The following NALF1 variants were observed in gnomAD, a reference collection of about 807,000 sequenced individuals.
NALF1 encodes the protein family with sequence similarity 155 member A.
In NALF1, 3 loss-of-function variants were observed where a neutral mutation model predicts 48.4. The observed-to-expected ratio is 0.06, with a 90% CI of 0.03 to 0.16. NALF1 has a LOEUF of 0.16. Ranked by LOEUF, NALF1 falls within the 10% of genes least tolerant of loss-of-function variation. NALF1 has a pLI of 1.00. For synonymous variants in NALF1, 262 were observed against 245.7 expected (o/e 1.07, Z -0.62); for missense variants, 526 against 571.5 (o/e 0.92, Z 0.81).
intron 1 of NALF1, among the ~76,000 whole-genome samples, chr13:107,354,737 T>C (rs1025197293): frequency 8.5e-5 from 13 of 152,212 alleles, no homozygotes; most frequent in Non-Finnish European, 1.8e-4. Flanking sequence ...CTTCTGTTTC[T>C]GTAGTCCCTT....
chr13:107,644,638 C>CATATAT (rs1170442694), intron 1 of NALF1, among the ~76,000 whole-genome samples: 8 of 43,330 alleles, frequency 1.8e-4, no homozygotes, highest in Admixed American at 3.6e-4. Context: ...TACATACATA[C>CATATAT]ATACATACAT....
At chr13:107,458,428 G>A (rs994708836) in intron 1 of NALF1, among the ~76,000 whole-genome samples, 19 of 152,196 alleles carry the variant, frequency 1.2e-4, no homozygotes, top group African/African-American at 4.6e-4. Flanking sequence ...GGCAGGGGCC[G>A]CCTGACATGG....
chr13:107,398,180 C>T (rs1566325330), intron 1 of NALF1, among the ~76,000 whole-genome samples: 1 of 152,256 alleles, frequency 6.6e-6, no homozygotes, highest in African/African-American at 2.4e-5. Flanking sequence ...TAGAATCTTG[C>T]TCCTTGCAAA....
At chr13:107,352,277 C>A (rs1004460626) in intron 1 of NALF1, among the ~76,000 whole-genome samples, 1 of 152,062 alleles carries the variant, frequency 6.6e-6, no homozygotes, top group African/African-American at 2.4e-5. Context: ...GTCTGACCTG[C>A]TGTTCCATTG....
chr13:107,841,068 T>C (rs1880031563), intron 1 of NALF1, among the ~76,000 whole-genome samples: 1 of 152,220 alleles, frequency 6.6e-6, no homozygotes, highest in African/African-American at 2.4e-5. Flanking sequence ...ATCATCCATG[T>C]ATTCACTCAT....
Position 107,307,569 on chromosome 13 carries a change from C to T in NALF1, c.916-96814G>A, listed in dbSNP as rs985577097. Among the ~76,000 whole-genome samples the T allele has an allele frequency of 3.3e-5, 5 of 149,998 alleles. No individual in the cohort carries two copies. In the East Asian group the frequency reaches 5.8e-4, roughly 17 times the overall value. ...CGCGATCTTGGCTCACTGCAACCTCCGCCTCCCGAGTTCAGGCGATTCTCC... is the reference window on the plus strand; with the variant it reads ...CGCGATCTTGGCTCACTGCAACCTCTGCCTCCCGAGTTCAGGCGATTCTCC... On this transcript the variant is annotated intron_variant, in intron 1 of 2. Transcript: ENST00000375915.
intron 1 of NALF1, among the ~76,000 whole-genome samples, chr13:107,497,229 AT>A (rs1353620063): frequency 6.6e-6 from 1 of 152,200 alleles, no homozygotes; most frequent in African/African-American, 2.4e-5. Context: ...GAATATAAAA[AT>A]AGTCTCATTT....
chr13:107,808,240 A>G (rs1175536108), intron 1 of NALF1, among the ~76,000 whole-genome samples: 1 of 152,088 alleles, frequency 6.6e-6, no homozygotes, highest in African/African-American at 2.4e-5. Flanking sequence ...CAGCCTTGTT[A>G]TCAGGCATAC....
intron 1 of NALF1, among the ~76,000 whole-genome samples, chr13:107,414,791 A>C (rs1884056431): frequency 6.7e-6 from 1 of 149,924 alleles, no homozygotes; most frequent in Admixed American, 6.7e-5. Context: ...TTTCTGTAAA[A>C]TTACAGTTGT....
intron 1 of NALF1, among the ~76,000 whole-genome samples, chr13:107,545,626 G>T (rs897479217): frequency 4.6e-5 from 7 of 152,050 alleles, no homozygotes; most frequent in African/African-American, 1.4e-4. Context: ...AGGGTCAAGT[G>T]TCATTTCCAA....
At chr13:107,390,908 T>TAATAATAATA (rs1259487982) in intron 1 of NALF1, among the ~76,000 whole-genome samples, 5 of 149,994 alleles carry the variant, frequency 3.3e-5, no homozygotes, top group Non-Finnish European at 5.9e-5. Flanking sequence ...ATAATAATAA[T>TAATAATAATA]AGAGGCTGTT....
intron 1 of NALF1, among the ~76,000 whole-genome samples, chr13:107,225,619 G>A (rs1393725559): frequency 1.3e-5 from 2 of 151,986 alleles, no homozygotes; most frequent in Non-Finnish European, 2.9e-5. Flanking sequence ...CGAAATGGTG[G>A]GGGATGGGGA....
intron 1 of NALF1, among the ~76,000 whole-genome samples, chr13:107,216,534 C>A (rs1181572594): frequency 6.6e-6 from 1 of 152,216 alleles, no homozygotes; most frequent in Non-Finnish European, 1.5e-5. Context: ...ATGACATCAG[C>A]ACCCCTTGCC....
chr13:107,504,250 CAAA>C (rs769667553), intron 1 of NALF1, among the ~76,000 whole-genome samples: 2,160 of 71,632 alleles, frequency 0.03, 62 homozygotes, highest in African/African-American at 0.095. Flanking sequence ...GGCCCTATCT[CAAA>C]AAAAAAAAAA....
At chr13:107,488,254 T>C (rs913067720) in intron 1 of NALF1, among the ~76,000 whole-genome samples, 5 of 152,108 alleles carry the variant, frequency 3.3e-5, no homozygotes, top group Non-Finnish European at 7.4e-5. Context: ...TGAATGTTTT[T>C]TTCCTGTCTC....
At chr13:107,815,226 G>C (rs1486319653) in intron 1 of NALF1, among the ~76,000 whole-genome samples, 3 of 151,716 alleles carry the variant, frequency 2.0e-5, no homozygotes, top group African/African-American at 7.3e-5. Flanking sequence ...ACAACCCAAA[G>C]AGTGGAAGAA....
intron 1 of NALF1, among the ~76,000 whole-genome samples, chr13:107,861,510 C>T (rs534514023): frequency 1.1e-4 from 16 of 152,290 alleles, no homozygotes; most frequent in South Asian, 2.1e-4. Context: ...CTTGGCCAGG[C>T]GCTGTGGCTC....
At chr13:107,641,346 T>C (rs1880150071) in intron 1 of NALF1, among the ~76,000 whole-genome samples, 2 of 152,118 alleles carry the variant, frequency 1.3e-5, no homozygotes, top group South Asian at 4.1e-4. Context: ...AACAGCACAG[T>C]AGAGAGACAA....
chr13:107,311,203 A>G (rs930356643), intron 1 of NALF1, among the ~76,000 whole-genome samples: 2 of 152,122 alleles, frequency 1.3e-5, no homozygotes, highest in African/African-American at 4.8e-5. Flanking sequence ...TCTACAGTCT[A>G]CCTGAAAAAA....
Sources: gnomAD v4.1 joint callset for allele counts (sites outside exome capture counted in the v4.1 genomes callset) on GRCh38, gnomAD v4.1.1 for gene constraint, MANE v1.5 for transcripts, NCBI Gene and HGNC (gene_info 2026-07-23, HGNC 2026-07-21) for gene names.